Variants in ZNF225 observed in about 807,000 individuals in gnomAD.
ZNF225 encodes zinc finger protein 225.
ZNF225 carries 6 observed loss-of-function variants against 12.0 expected under a neutral mutation model. The observed-to-expected ratio is 0.50, with a 90% confidence interval of 0.27 to 0.98. The LOEUF (loss-of-function observed/expected upper bound fraction) is 0.98, where lower values mean the gene tolerates loss of function less well. Among genes scored for constraint, ZNF225 ranks in the 50% least tolerant of loss-of-function variants. The pLI, the probability that ZNF225 is intolerant of heterozygous loss-of-function variation, is 0.11. For synonymous variants in ZNF225, 271 were observed against 283.2 expected, an observed-to-expected ratio of 0.96 and a Z score of 0.43; for missense variants, 763 against 848.2, an observed-to-expected ratio of 0.90 and a Z score of 1.25.
Position 44,131,179 on chromosome 19 carries a change from T to C in ZNF225, c.565T>C (p.Ser189Pro), listed in dbSNP as rs774020141. The change falls in exon 5 of 5, where the codon TCA becomes CCA. Residue 189 changes from serine to proline, a missense_variant. Coordinates refer to ENST00000262894, the MANE Select transcript of ZNF225 (RefSeq NM_013362.4). ...ATGTGGAAAGAGTTTCTGTTATAGC[T>C]CAGCTCTTCGTATTCATCAGAGAGT... ...DECGKSFCYS[S>P]ALRIHQRVHM... is the part of the protein sequence containing the mutation. 1 of 1,614,176 alleles carries C rather than the reference T, an allele frequency of 6.2e-7. No individual in the cohort carries two copies. Among genetic ancestry groups the C allele is most frequent in the Non-Finnish European group, 8.5e-7 (1 of 1,180,036 alleles).
rs1240636913 is a variant in ZNF225 at position 44,133,782 on chromosome 19, ATTTG to A, written c.*1048_*1051del. On this transcript the variant is annotated 3_prime_UTR_variant, in exon 5 of 5. Coordinates refer to ENST00000262894, the MANE Select transcript of ZNF225 (RefSeq NM_013362.4). ...CAGCAAAATCTATCTCTAGAGATAGATTTGATTTTTATAATCAAATCTACTAGAG... is the reference window on the plus strand; with the variant it reads ...CAGCAAAATCTATCTCTAGAGATAGAATTTTTATAATCAAATCTACTAGAG... 1.1e-4 allele frequency: 16 copies of A among 141,422 alleles called. No homozygotes were observed. Among genetic ancestry groups the A allele is most frequent in the Non-Finnish European group, 2.1e-4 (13 of 63,286 alleles). 8.8% of individuals were successfully genotyped at this position (141,422 alleles called of 1,614,324 possible).
chr19:44,132,634 C>G lies in ZNF225; in HGVS notation c.2020C>G (p.Gln674Glu), dbSNP rs187977016. Reference protein sequence around the residue: ...SSCLKDQQRDQSGEKTSKCED... With the variant: ...SSCLKDQQRDESGEKTSKCED... ...ATGCCTTAAAGACCAACAAAGAGAC[C>G]AAAGTGGAGAGAAAACATCTAAATG... is the stretch of plus-strand genomic sequence containing the variant. The change falls in exon 5 of 5, where the codon CAA becomes GAA. Residue 674 changes from glutamine to glutamate, a missense_variant. By Grantham distance (29) the Gln-to-Glu change is conservative. Transcript: ENST00000262894. 8.7e-6 allele frequency: 14 copies of G among 1,613,836 alleles called. No homozygotes were observed. The highest frequency in any genetic ancestry group is 4.0e-5 in the African/African-American group (3 of 75,000).
chr19:44,125,258 G>T (rs1016192301), intron 4 of ZNF225, among the ~76,000 whole-genome samples: 1 of 152,106 alleles, frequency 6.6e-6, no homozygotes, highest in African/African-American at 2.4e-5. Context: ...GTCAGCGTTT[G>T]TCTGAAAAAG....
chr19:44,132,505 A>C lies in ZNF225; in HGVS notation c.1891A>C (p.Lys631Gln). The C allele has an allele frequency of 6.2e-7, 1 of 1,614,182 alleles. No homozygotes were observed. Among genetic ancestry groups the C allele is most frequent in the South Asian group, 1.1e-5 (1 of 91,080 alleles). The change falls in exon 5 of 5, where the codon AAG (lysine) becomes CAG (glutamine). Residue 631 changes from lysine (K) to glutamine (Q), a missense_variant. By Grantham distance (53) the Lys-to-Gln change is moderately conservative. Coordinates refer to ENST00000262894, the MANE Select transcript of ZNF225 (RefSeq NM_013362.4). Reference protein sequence around the residue: ...EKPYKCEKCGKSFRWASTHLT... With the variant: ...EKPYKCEKCGQSFRWASTHLT... ...GCCATACAAATGTGAGAAGTGTGGAAAGAGCTTCAGATGGGCCTCAACTCA... is the reference window on the plus strand; with the variant it reads ...GCCATACAAATGTGAGAAGTGTGGACAGAGCTTCAGATGGGCCTCAACTCA...
intron 4 of ZNF225, among the ~76,000 whole-genome samples, chr19:44,125,719 T>C (rs774090629): frequency 1.8e-4 from 28 of 152,332 alleles, no homozygotes; most frequent in Admixed American, 7.2e-4. Context: ...TCTTTGAGGC[T>C]TTGTTTATAT....
intron 2 of ZNF225, among the ~76,000 whole-genome samples, chr19:44,117,293 G>T (rs368543831): frequency 6.6e-6 from 1 of 152,324 alleles, no homozygotes; most frequent in East Asian, 1.9e-4. Context: ...CAGAGCCTTG[G>T]GATGTGCTTT....
intron 4 of ZNF225, chr19:44,128,923 C>T (rs1006566615): frequency 2.0e-6 from 1 of 504,184 alleles, no homozygotes; most frequent in Non-Finnish European, 3.1e-6. Context: ...TGAGACAGTC[C>T]AATAACTTCA....
At chr19:44,111,663 T>C (rs1191092367), upstream of ZNF225, among the ~76,000 whole-genome samples, 1 of 152,184 alleles carries the variant, frequency 6.6e-6, no homozygotes, top group Non-Finnish European at 1.5e-5. Context: ...ACATTAAAAA[T>C]ATTATGCTAA....
At position 44,130,998 on chromosome 19, in the gene ZNF225, T is replaced by C. The variant is rs1968240300; in HGVS notation, c.384T>C (p.Asp128=). The change falls in exon 5 of 5, where the codon GAT becomes GAC. Residue 128 remains aspartate, a synonymous_variant. Transcript: ENST00000262894. ...MVNSFQFSKQ[D]DMPCQVDAGL... ...ACAGCTTTCAGTTCTCCAAACAAGATGATATGCCCTGCCAGGTTGATGCAG... is the reference window on the plus strand; with the variant it reads ...ACAGCTTTCAGTTCTCCAAACAAGACGATATGCCCTGCCAGGTTGATGCAG... 1 of 1,614,066 alleles carries C rather than the reference T, an allele frequency of 6.2e-7. No homozygotes were observed. The highest frequency in any genetic ancestry group is 8.5e-7 in the Non-Finnish European group (1 of 1,179,930).
rs753625935 is a variant in ZNF225, at chr19:44,131,713, A to AT, written c.1099_1100insT (p.Thr367IlefsTer7). On this transcript the variant is annotated frameshift_variant, in exon 5 of 5. Transcript: ENST00000262894. LOFTEE classifies it low-confidence loss of function (END_TRUNC). Reference sequence around the variant, plus strand: ...TCTTTATAAGCATCAGATAGACCACACAGGGGAGAAGCCATATAATTGTAA... The same window carrying AT: ...TCTTTATAAGCATCAGATAGACCACATCAGGGGAGAAGCCATATAATTGTAA... 10 of 1,614,254 alleles carry AT rather than the reference A, an allele frequency of 6.2e-6. No homozygotes were observed. Among genetic ancestry groups the AT allele is most frequent in the Non-Finnish European group, 8.5e-6 (10 of 1,180,046 alleles).
At position 44,133,620 on chromosome 19, in the gene ZNF225, G is replaced by A. The variant is rs1968331575; in HGVS notation, c.*885G>A. On this transcript the variant is annotated 3_prime_UTR_variant, in exon 5 of 5. Coordinates refer to ENST00000262894, the MANE Select transcript of ZNF225 (RefSeq NM_013362.4). ...ATTCTTTTAAGAAAAGGTGTGTATG[G>A]GTAGGGAACAATAGCATGACAGCAG... The A allele has an allele frequency of 6.6e-6, 1 of 152,108 alleles. No individual in the cohort carries two copies. Among genetic ancestry groups the A allele is most frequent in the East Asian group, 1.9e-4 (1 of 5,178 alleles). The allele number at this position is 152,108 out of a possible 1,614,324, so 9.4% of individuals were successfully genotyped here.
rs1403084243 is a variant in ZNF225, at chr19:44,113,487, C to T, written c.-151C>T. ...TTTGGGTCAGTTCCGCGAGACCCTT[C>T]TGAATTTCCTGGACCTACGCATTGG... is the stretch of plus-strand genomic sequence containing the variant. On this transcript the variant is annotated 5_prime_UTR_variant, in exon 1 of 5. Coordinates refer to ENST00000262894, the MANE Select transcript of ZNF225 (RefSeq NM_013362.4). 4 of 152,260 alleles carry T rather than the reference C, an allele frequency of 2.6e-5. No homozygotes were observed. The highest frequency in any genetic ancestry group is 5.9e-5 in the Non-Finnish European group (4 of 68,112). The allele number at this position is 152,260 out of a possible 1,614,324, so 9.4% of individuals were successfully genotyped here.
chr19:44,131,125 T>G lies in ZNF225; in HGVS notation c.511T>G (p.Ser171Ala), dbSNP rs1343115390. ...CCTTGATCTTCATCAACAACTACAG[T>G]CAAGAGAGAAGTCTCATACATGTGA... Reference protein sequence around the residue: ...SVLDLHQQLQSREKSHTCDEC... With the variant: ...SVLDLHQQLQAREKSHTCDEC... Residue 171 changes from serine to alanine, a missense_variant, in exon 5 of 5, where the codon TCA becomes GCA. Coordinates refer to ENST00000262894, the MANE Select transcript of ZNF225 (RefSeq NM_013362.4). 6.2e-7 allele frequency: 1 copy of G among 1,614,056 alleles called. No individual in the cohort carries two copies. Among genetic ancestry groups the G allele is most frequent in the Non-Finnish European group, 8.5e-7 (1 of 1,180,032 alleles).
chr19:44,111,936 A>G (rs889304357), upstream of ZNF225: 12 of 152,190 alleles, frequency 7.9e-5, no homozygotes, highest in African/African-American at 2.7e-4. Context: ...TAGGACACGG[A>G]CACACAAAAA....
Position 44,131,126 on chromosome 19 carries a change from CAA to C in ZNF225, c.513_514del (p.Lys174ValfsTer5), listed in dbSNP as rs773786667. 8 of 1,614,034 alleles carry C rather than the reference CAA, an allele frequency of 5.0e-6. No homozygotes were observed. The African/African-American group carries it at 8.0e-5, about 16-fold the overall frequency. On this transcript the variant is annotated frameshift_variant, in exon 5 of 5. Transcript: ENST00000262894. LOFTEE classifies it low-confidence loss of function (END_TRUNC). Reference sequence around the variant, plus strand: ...CTTGATCTTCATCAACAACTACAGTCAAGAGAGAAGTCTCATACATGTGATGA... The same window carrying C: ...CTTGATCTTCATCAACAACTACAGTCGAGAGAAGTCTCATACATGTGATGA...
intron 4 of ZNF225, among the ~76,000 whole-genome samples, chr19:44,122,496 C>T (rs931037223): frequency 6.6e-6 from 1 of 151,920 alleles, no homozygotes; most frequent in East Asian, 1.9e-4. Context: ...TTTTTGGTTC[C>T]GTATGAATTT....
intron 4 of ZNF225, among the ~76,000 whole-genome samples, chr19:44,119,725 C>G (rs187621515): frequency 5.9e-4 from 90 of 152,278 alleles, no homozygotes; most frequent in Middle Eastern, 3.4e-3. Flanking sequence ...ATAACATGTT[C>G]ATAGGTCTTG....
chr19:44,131,078 A>T lies in ZNF225; in HGVS notation c.464A>T (p.Lys155Met), dbSNP rs767495146. The change falls in exon 5 of 5, where the codon AAG becomes ATG. Residue 155 changes from lysine to methionine, a missense_variant. Transcript: ENST00000262894. ...QKPSEGRTCKKSFSDVSVLDL... is the reference protein window; with the variant it reads ...QKPSEGRTCKMSFSDVSVLDL... ...CCTTCTGAGGGTAGGACGTGTAAAA[A>T]GTCCTTTAGTGATGTCTCCGTCCTT... 1.9e-6 allele frequency: 3 copies of T among 1,614,106 alleles called. No homozygotes were observed. Among genetic ancestry groups the T allele is most frequent in the Non-Finnish European group, 2.5e-6 (3 of 1,179,950 alleles).
intron 4 of ZNF225, among the ~76,000 whole-genome samples, chr19:44,125,129 G>C (rs1439608549): frequency 1.3e-5 from 2 of 152,098 alleles, no homozygotes; most frequent in Non-Finnish European, 2.9e-5. Context: ...TTGTTGTATA[G>C]GTCCTGTGTG....
Sources: gnomAD v4.1 joint callset for allele counts (sites outside exome capture counted in the v4.1 genomes callset) on GRCh38, gnomAD v4.1.1 for gene constraint, MANE v1.5 for transcripts, NCBI Gene and HGNC (gene_info 2026-07-23, HGNC 2026-07-21) for gene names.